Variants in ARHGAP23 observed in about 807,000 individuals in gnomAD.
The protein encoded by ARHGAP23 is rho GTPase-activating protein 23.
A neutral mutation model predicts 136.3 loss-of-function variants in ARHGAP23; 34 were observed. That is an observed-to-expected ratio of 0.25 (90% CI 0.19 to 0.33). The LOEUF (loss-of-function observed/expected upper bound fraction) is 0.33. ARHGAP23 is among the 10% of genes least tolerant of loss of function. The pLI is 1.00. For missense variants in ARHGAP23, 1,808 were observed against 2,139.0 expected (o/e 0.85, Z 3.05); for synonymous variants, 832 against 920.5 (o/e 0.90, Z 1.74).
chr17:38,450,099 C>T (rs2039127690), intron 1 of ARHGAP23, among the ~76,000 whole-genome samples: 1 of 152,208 alleles, frequency 6.6e-6, no homozygotes, highest in Non-Finnish European at 1.5e-5. Flanking sequence ...AGGCCCTGTG[C>T]ACCTGAGAGC....
At chr17:38,498,028 C>T (rs1281688925) in intron 21 of ARHGAP23, among the ~76,000 whole-genome samples, 1 of 152,092 alleles carries the variant, frequency 6.6e-6, no homozygotes. Context: ...CTTCAGGAAT[C>T]CCCAGTCGAA....
chr17:38,484,294 C>T (rs572864736), intron 16 of ARHGAP23, among the ~76,000 whole-genome samples: 2 of 152,022 alleles, frequency 1.3e-5, no homozygotes, highest in African/African-American at 2.4e-5. Flanking sequence ...TGGTATCTTC[C>T]CTTGGCAGAA....
rs1266976053 is a variant in ARHGAP23 at position 38,466,846 on chromosome 17, G to C, written c.1163G>C (p.Arg388Pro). Residue 388 changes from arginine (R) to proline (P), a missense_variant, in exon 7 of 24, where the codon CGC becomes CCC. Arg to Pro is a moderately radical substitution (Grantham distance 103, BLOSUM62 -2). This residue lies in a region of ARHGAP23 where 859 missense variants were observed against 936.4 expected (regional missense o/e 0.92). Coordinates refer to ENST00000622683, the MANE Select transcript of ARHGAP23 (RefSeq NM_001199417.2). ...TGGGCTTCCCAGCGTTCGTCTGCCC[G>C]CACCCCCGCCTGCCCAACTCGGGAC... ...CGWASQRSSA[R>P]TPACPTRDLP... is the part of the protein sequence containing the mutation. The C allele has an allele frequency of 6.5e-7, 1 of 1,548,462 alleles. No individual in the cohort carries two copies. The highest frequency in any genetic ancestry group is 1.4e-5 in the African/African-American group (1 of 73,036).
Position 38,466,851 on chromosome 17 carries a change from C to T in ARHGAP23, c.1168C>T (p.Pro390Ser), listed in dbSNP as rs1450887418. 2 of 1,549,126 alleles carry T rather than the reference C, an allele frequency of 1.3e-6. No homozygotes were observed. The highest frequency in any genetic ancestry group is 2.7e-5 in the African/African-American group (2 of 73,188). ...TTCCCAGCGTTCGTCTGCCCGCACCCCCGCCTGCCCAACTCGGGACCTGCC... is the reference window on the plus strand; with the variant it reads ...TTCCCAGCGTTCGTCTGCCCGCACCTCCGCCTGCCCAACTCGGGACCTGCC... ...WASQRSSART[P>S]ACPTRDLPGP... Residue 390 changes from proline (P) to serine (S), a missense_variant, in exon 7 of 24, where the codon CCC becomes TCC. Transcript: ENST00000622683.
At chr17:38,443,294 G>A (rs1231690198) in intron 1 of ARHGAP23, among the ~76,000 whole-genome samples, 1 of 152,212 alleles carries the variant, frequency 6.6e-6, no homozygotes, top group Non-Finnish European at 1.5e-5. Flanking sequence ...GGTGCTGGGT[G>A]CTACCTTCAT....
chr17:38,465,446 C>G (rs2039566652), intron 6 of ARHGAP23, among the ~76,000 whole-genome samples: 1 of 152,206 alleles, frequency 6.6e-6, no homozygotes, highest in South Asian at 2.1e-4. Flanking sequence ...GGCAGCTCAG[C>G]AGGGGCCAGG....
intron 11 of ARHGAP23, among the ~76,000 whole-genome samples, chr17:38,474,620 G>A (rs545224713): frequency 7.2e-4 from 110 of 152,168 alleles, no homozygotes; most frequent in Non-Finnish European, 1.4e-3. Flanking sequence ...CCTGGGGACA[G>A]AGGCTCTGAG....
intron 23 of ARHGAP23, among the ~76,000 whole-genome samples, chr17:38,508,238 G>A (rs2040677269): frequency 6.6e-6 from 1 of 152,200 alleles, no homozygotes. Context: ...GGAAGTGGCT[G>A]TACAGAGGAA....
At chr17:38,471,422 A>G (rs2039754237) in intron 10 of ARHGAP23, among the ~76,000 whole-genome samples, 1 of 152,198 alleles carries the variant, frequency 6.6e-6, no homozygotes, top group Non-Finnish European at 1.5e-5. Context: ...CTCTGGCTGG[A>G]GTCCTGTTGA....
chr17:38,486,232 C>A, intron 17 of ARHGAP23, 92 bp downstream of exon 17: 2 of 797,976 alleles, frequency 2.5e-6, no homozygotes, highest in South Asian at 1.9e-5. Context: ...TGGTTTTACT[C>A]TTTTTTTTTT....
At position 38,477,939 on chromosome 17, in the gene ARHGAP23, G is replaced by A. The variant is rs1443184604; in HGVS notation, c.2436+43G>A. On this transcript the variant is annotated intron_variant, in intron 12 of 23. Coordinates refer to ENST00000622683, the MANE Select transcript of ARHGAP23 (RefSeq NM_001199417.2). This position sits in a 1 kb window ranked among gnomAD's most constrained non-coding sequence, Gnocchi z 6.6. ...CCGGCAGCCACAGAGGGCGGGCGGG[G>A]TGGCCTCTCACCGGCTGTGGACCTG... The A allele has an allele frequency of 1.9e-6, 3 of 1,543,360 alleles. No individual in the cohort carries two copies. Among genetic ancestry groups the A allele is most frequent in the East Asian group, 4.9e-5 (2 of 40,862 alleles).
chr17:38,473,150 C>T, intron 11 of ARHGAP23, among the ~76,000 whole-genome samples: 1 of 140,882 alleles, frequency 7.1e-6, no homozygotes, highest in East Asian at 2.1e-4. Context: ...GACGGAGTTT[C>T]ACCATGTTGG....
chr17:38,467,128 C>G lies in ARHGAP23; in HGVS notation c.1445C>G (p.Ala482Gly), dbSNP rs140587590. The G allele has an allele frequency of 1.3e-6, 2 of 1,549,784 alleles. No individual in the cohort carries two copies. Among genetic ancestry groups the G allele is most frequent in the Middle Eastern group, 1.7e-4 (1 of 5,988 alleles). Reference protein sequence around the residue: ...EPSTRALEPPAEDRGDEVVLR... With the variant: ...EPSTRALEPPGEDRGDEVVLR... ...AGCACCCGGGCCCTGGAGCCTCCTG[C>G]GGAGGATCGCGGCGATGAGGTGGTC... The change falls in exon 7 of 24, where the codon GCG becomes GGG. Residue 482 changes from alanine (A) to glycine (G), a missense_variant. This residue lies in a region of ARHGAP23 where 859 missense variants were observed against 936.4 expected (regional missense o/e 0.92). Transcript: ENST00000622683.
At position 38,466,466 on chromosome 17, in the gene ARHGAP23, C is replaced by A; in HGVS notation, c.783C>A (p.Ser261=). The part of the protein sequence containing the change: ...RPSPGAFPHL[S]SEPRTPRAFP... ...GCCCTGGTGCCTTCCCCCACCTCTC[C>A]TCGGAGCCCCGGACGCCCCGTGCCT... is the stretch of plus-strand genomic sequence containing the variant. Residue 261 remains serine, a synonymous_variant, in exon 7 of 24, where the codon TCC becomes TCA. Coordinates refer to ENST00000622683, the MANE Select transcript of ARHGAP23 (RefSeq NM_001199417.2). 1 of 1,521,256 alleles carries A rather than the reference C, an allele frequency of 6.6e-7. No individual in the cohort carries two copies. The highest frequency in any genetic ancestry group is 8.8e-7 in the Non-Finnish European group (1 of 1,137,254). The allele number at this position is 1,521,256 out of a possible 1,614,324, so 94.2% of individuals were successfully genotyped here. A position where few individuals can be genotyped will look rare whatever the true frequency, so the allele number is the denominator to read the frequency against.
intron 23 of ARHGAP23, among the ~76,000 whole-genome samples, chr17:38,506,983 A>G (rs190722257): frequency 6.6e-6 from 1 of 152,228 alleles, no homozygotes; most frequent in African/African-American, 2.4e-5. Flanking sequence ...ACAAAAGAAA[A>G]AAAGGCTGTG....
intron 19 of ARHGAP23, among the ~76,000 whole-genome samples, chr17:38,490,877 TG>T (rs1277290894): frequency 6.6e-6 from 1 of 152,164 alleles, no homozygotes; most frequent in Non-Finnish European, 1.5e-5. Flanking sequence ...GGTTCTGCAG[TG>T]GGGAAAATGA....
chr17:38,463,123 C>A lies in ARHGAP23; in HGVS notation c.355C>A (p.Arg119=). The A allele has an allele frequency of 6.4e-7, 1 of 1,551,282 alleles. No homozygotes were observed. Among genetic ancestry groups the A allele is most frequent in the South Asian group, 1.2e-5 (1 of 83,998 alleles). Residue 119 remains arginine (R), a synonymous_variant, in exon 5 of 24, where the codon CGG becomes AGG. Coordinates refer to ENST00000622683, the MANE Select transcript of ARHGAP23 (RefSeq NM_001199417.2). The part of the protein sequence containing the change: ...AHRAGLRTGD[R]LVKVNGESVI... ...CATGCGCTCCTTGTCCCCAGGAGAC[C>A]GGCTGGTAAAGGTGAATGGGGAAAG...
intron 1 of ARHGAP23, among the ~76,000 whole-genome samples, chr17:38,441,304 G>A (rs758920310): frequency 1.2e-4 from 19 of 152,234 alleles, no homozygotes; most frequent in South Asian, 2.1e-4. Flanking sequence ...CCAGCCTGGC[G>A]CACTATTCAT....
Position 38,470,817 on chromosome 17 carries a change from G to A in ARHGAP23, c.1974+913G>A, listed in dbSNP as rs565366489. 2.6e-5 allele frequency among the ~76,000 whole-genome samples: 4 copies of A among 152,088 alleles called. No individual in the cohort carries two copies. The South Asian group carries it at 8.3e-4, about 32-fold the overall frequency. Reference sequence around the variant, plus strand: ...CTCCCAAAGTGTTGGGATTACAGGCGTGAGCCACCGCACCTGGCCTCAAAT... The same window carrying A: ...CTCCCAAAGTGTTGGGATTACAGGCATGAGCCACCGCACCTGGCCTCAAAT... On this transcript the variant is annotated intron_variant, in intron 10 of 23. Coordinates refer to ENST00000622683, the MANE Select transcript of ARHGAP23 (RefSeq NM_001199417.2).
Sources: gnomAD v4.1 joint callset for allele counts (sites outside exome capture counted in the v4.1 genomes callset) on GRCh38, gnomAD v4.1.1 for gene constraint, gnomAD v4.1.1 regional missense constraint, Gnocchi (gnomAD v3.1) non-coding constraint, MANE v1.5 for transcripts, NCBI Gene and HGNC (gene_info 2026-07-23, HGNC 2026-07-21) for gene names.